The following EEF2K variants were observed in gnomAD, a reference collection of about 807,000 sequenced individuals.
The protein encoded by EEF2K is eukaryotic elongation factor 2 kinase.
A neutral mutation model predicts 93.8 loss-of-function variants in EEF2K; 70 were observed. That is an observed-to-expected ratio of 0.75 (90% CI 0.62 to 0.91). The LOEUF (loss-of-function observed/expected upper bound fraction) is 0.91. EEF2K is among the 40% of genes least tolerant of loss of function. The probability of loss-of-function intolerance (pLI) is 0.00; values close to 1 mark genes in which losing one functional copy is unlikely to be tolerated. For missense variants in EEF2K, 935 were observed against 972.9 expected (o/e 0.96, Z 0.52); for synonymous variants, 376 against 380.8 (o/e 0.99, Z 0.15).
chr16:22,283,266 G>A (rs983649518), intron 17 of EEF2K, among the ~76,000 whole-genome samples: 17 of 133,302 alleles, frequency 1.3e-4, no homozygotes, highest in African/African-American at 2.3e-4. Context: ...CTAAGATTCC[G>A]CCACTGGACT....
chr16:22,254,681 A>C (rs1277703377), intron 6 of EEF2K, among the ~76,000 whole-genome samples: 1 of 152,202 alleles, frequency 6.6e-6, no homozygotes, highest in Non-Finnish European at 1.5e-5. Flanking sequence ...AAAATTCGGC[A>C]AGGAATGTCA....
At position 22,260,527 on chromosome 16, in the gene EEF2K, C is replaced by A. The variant is rs56137739; in HGVS notation, c.1297C>A (p.Arg433=). The part of the protein sequence containing the change: ...SRDHDHLDNH[R]ESENSGDSGY... Reference sequence around the variant, plus strand: ...AGACCATGATCATCTAGACAACCACCGGGTGAGTGTGAAGGGAGGGAGGCT... The same window carrying A: ...AGACCATGATCATCTAGACAACCACAGGGTGAGTGTGAAGGGAGGGAGGCT... Residue 433 remains arginine, a splice_region_variant and synonymous_variant, in exon 11 of 18, where the codon CGG becomes AGG. Coordinates refer to ENST00000263026, the MANE Select transcript of EEF2K (RefSeq NM_013302.5). 1.9e-6 allele frequency: 3 copies of A among 1,614,036 alleles called. No individual in the cohort carries two copies. Among genetic ancestry groups the A allele is most frequent in the Admixed American group, 1.7e-5 (1 of 60,008 alleles).
chr16:22,212,300 A>G (rs1294413651), intron 1 of EEF2K, among the ~76,000 whole-genome samples: 4 of 151,694 alleles, frequency 2.6e-5, no homozygotes, highest in Non-Finnish European at 4.4e-5. Flanking sequence ...TGCTGTTTAC[A>G]TCGGTAAGTT....
intron 1 of EEF2K, among the ~76,000 whole-genome samples, chr16:22,217,895 C>G (rs60372767): frequency 6.6e-6 from 1 of 152,132 alleles, no homozygotes; most frequent in Non-Finnish European, 1.5e-5. Flanking sequence ...AGTTTGGTTT[C>G]GGGAACATCT....
chr16:22,207,310 C>G (rs1050215230), intron 1 of EEF2K, among the ~76,000 whole-genome samples: 3 of 152,182 alleles, frequency 2.0e-5, no homozygotes, highest in African/African-American at 7.2e-5. Flanking sequence ...CTGAGTGTGA[C>G]AGATGGGCCG....
At chr16:22,212,708 C>T (rs949924694) in intron 1 of EEF2K, among the ~76,000 whole-genome samples, 1 of 152,018 alleles carries the variant, frequency 6.6e-6, no homozygotes, top group African/African-American at 2.4e-5. Flanking sequence ...AAAATTACAC[C>T]AGAGGCTGGA....
intron 6 of EEF2K, 137 bp downstream of exon 6, chr16:22,251,459 C>G (rs1022782559): frequency 9.7e-5 from 115 of 1,181,254 alleles, no homozygotes; most frequent in Non-Finnish European, 1.2e-4. Context: ...TGTCACCCAC[C>G]ACCAAGGCTG....
At chr16:22,223,267 T>G (rs1279582551) in intron 1 of EEF2K, among the ~76,000 whole-genome samples, 1 of 151,170 alleles carries the variant, frequency 6.6e-6, no homozygotes, top group Non-Finnish European at 1.5e-5. Flanking sequence ...TTTCTGTTTT[T>G]TTTTTTTTTT....
At position 22,261,235 on chromosome 16, in the gene EEF2K, C is replaced by G. The variant is rs1440257524; in HGVS notation, c.1299+706C>G. ...CAAAAAAATACAAAAGTTAGCCAGG[C>G]ATGGTGGCACATACCTGTAGTCCCA... is the stretch of plus-strand genomic sequence containing the variant. On this transcript the variant is annotated intron_variant, in intron 11 of 17. Coordinates refer to ENST00000263026, the MANE Select transcript of EEF2K (RefSeq NM_013302.5). 3.3e-5 allele frequency among the ~76,000 whole-genome samples: 5 copies of G among 152,058 alleles called. No individual in the cohort carries two copies. In the East Asian group the frequency reaches 7.7e-4, roughly 24 times the overall value.
intron 1 of EEF2K, among the ~76,000 whole-genome samples, chr16:22,223,187 G>A (rs978777689): frequency 2.6e-5 from 4 of 151,016 alleles, no homozygotes; most frequent in African/African-American, 9.8e-5. Context: ...TGTAGTGTAT[G>A]TCAGCACCTA....
At chr16:22,216,125 G>A (rs1005745976) in intron 1 of EEF2K, among the ~76,000 whole-genome samples, 15 of 152,170 alleles carry the variant, frequency 9.9e-5, no homozygotes, top group Admixed American at 3.9e-4. Flanking sequence ...CTGGCCATGC[G>A]GCTGTAGAGG....
rs759346914 is a variant in EEF2K, at chr16:22,244,728, C to A, written c.345C>A (p.His115Gln). Residue 115 changes from histidine to glutamine, a missense_variant and splice_region_variant, in exon 3 of 18, where the codon CAC becomes CAA. By Grantham distance (24) the His-to-Gln change is conservative (BLOSUM62 0). Transcript: ENST00000263026. ...TTGCCACCGAACGTGCTACTCGACA[C>A]AGGTCAGCAGCTTGTGTGGGGTCTC... Reference protein sequence around the residue: ...EDIATERATRHRYNAVTGEWL... With the variant: ...EDIATERATRQRYNAVTGEWL... The A allele has an allele frequency of 2.5e-6, 4 of 1,613,716 alleles. No individual in the cohort carries two copies. Among genetic ancestry groups the A allele is most frequent in the Non-Finnish European group, 3.4e-6 (4 of 1,179,848 alleles).
At position 22,221,497 on chromosome 16, in the gene EEF2K, G is replaced by C. The variant is rs377503324; in HGVS notation, c.-76-4157G>C. Among the ~76,000 whole-genome samples the C allele has an allele frequency of 9.9e-5, 15 of 152,012 alleles. No individual in the cohort carries two copies. In the South Asian group the frequency reaches 3.1e-3, roughly 32 times the overall value. ...CATTTAAAAAAAAAAAATAGCAAGA[G>C]CGCATTATACAAAGTAAGGCTAAGC... On this transcript the variant is annotated intron_variant, in intron 1 of 17. Transcript: ENST00000263026.
intron 1 of EEF2K, among the ~76,000 whole-genome samples, chr16:22,220,562 G>C (rs1289722145): frequency 6.6e-6 from 1 of 152,178 alleles, no homozygotes; most frequent in South Asian, 2.1e-4. Flanking sequence ...TCCCACTTCA[G>C]CCTCCTGAGT....
At chr16:22,219,019 G>T (rs958996378) in intron 1 of EEF2K, among the ~76,000 whole-genome samples, 3 of 119,510 alleles carry the variant, frequency 2.5e-5, no homozygotes, top group African/African-American at 7.9e-5. Flanking sequence ...GGTAGAGAAA[G>T]CTTTCAAGAA....
chr16:22,273,859 C>T (rs953901068), intron 16 of EEF2K, 109 bp downstream of exon 16: 4 of 1,494,148 alleles, frequency 2.7e-6, no homozygotes, highest in Non-Finnish European at 3.6e-6. Context: ...GCCCCATGAC[C>T]AGTCCAGCAA....
At chr16:22,252,850 G>T (rs2047364356) in intron 6 of EEF2K, among the ~76,000 whole-genome samples, 1 of 152,098 alleles carries the variant, frequency 6.6e-6, no homozygotes, top group South Asian at 2.1e-4. Context: ...AGCAAAGGGG[G>T]TTTCCCCTTA....
intron 1 of EEF2K, among the ~76,000 whole-genome samples, chr16:22,209,463 A>G (rs1308247348): frequency 6.6e-6 from 1 of 152,196 alleles, no homozygotes; most frequent in Non-Finnish European, 1.5e-5. Flanking sequence ...GAACAGCAGA[A>G]GCTTGGACTT....
intron 5 of EEF2K, 59 bp downstream of exon 5, chr16:22,250,750 GC>G (rs1449578038): frequency 6.2e-7 from 1 of 1,608,362 alleles, no homozygotes. Context: ...GCTCCTAAGA[GC>G]TGAGGCATTG....
Sources: gnomAD v4.1 joint callset for allele counts (sites outside exome capture counted in the v4.1 genomes callset) on GRCh38, gnomAD v4.1.1 for gene constraint, MANE v1.5 for transcripts, NCBI Gene and HGNC (gene_info 2026-07-23, HGNC 2026-07-21) for gene names.